TNIP3: variants seen among roughly 807,000 people sequenced by gnomAD.
TNIP3 encodes the protein TNFAIP3 interacting protein 3, also known as TNFAIP3-interacting protein 3.
A neutral mutation model predicts 54.1 loss-of-function variants in TNIP3; 34 were observed. The ratio of observed to expected loss-of-function variants is 0.63; its 90% CI spans 0.48 to 0.84. The LOEUF (loss-of-function observed/expected upper bound fraction) is 0.84. TNIP3 is among the 40% of genes least tolerant of loss of function. The probability of loss-of-function intolerance (pLI) is 0.00; values close to 1 mark genes in which losing one functional copy is unlikely to be tolerated. For missense variants in TNIP3, 366 were observed against 387.6 expected, an observed-to-expected ratio of 0.94 and a Z score of 0.47; for synonymous variants, 134 against 136.8, an observed-to-expected ratio of 0.98 and a Z score of 0.14.
intron 2 of TNIP3, among the ~76,000 whole-genome samples, chr4:121,199,418 A>G (rs911315956): frequency 6.6e-6 from 1 of 152,236 alleles, no homozygotes; most frequent in African/African-American, 2.4e-5. Context: ...CTATGTTTCT[A>G]GCCCAGAAAT....
At position 121,151,318 on chromosome 4, in the gene TNIP3, C is replaced by T. The variant is rs187571002; in HGVS notation, c.493-1099G>A. Among the ~76,000 whole-genome samples the T allele has an allele frequency of 1.2e-3, 190 of 152,188 alleles. 1 individual carries two copies. Among genetic ancestry groups the T allele is most frequent in the Non-Finnish European group, 5.3e-4 (36 of 68,008 alleles). Reference sequence around the variant, plus strand: ...ATATTAGTGGTAACTTACTCCACTGCATTACTATATAATATGGTCATAAAG... The same window carrying T: ...ATATTAGTGGTAACTTACTCCACTGTATTACTATATAATATGGTCATAAAG... On this transcript the variant is annotated intron_variant, in intron 5 of 10. Coordinates refer to ENST00000057513, the MANE Select transcript of TNIP3 (RefSeq NM_024873.6).
At chr4:121,138,056 G>T (rs780104290) in intron 10 of TNIP3, 1 of 445,860 alleles carries the variant, frequency 2.2e-6, no homozygotes, top group African/African-American at 2.0e-5. Context: ...TAAAAAATAA[G>T]ATTTAAAAAA....
intron 2 of TNIP3, among the ~76,000 whole-genome samples, chr4:121,210,548 G>C (rs1296055486): frequency 6.6e-6 from 1 of 152,160 alleles, no homozygotes; most frequent in Non-Finnish European, 1.5e-5. Flanking sequence ...TTGCCATAAG[G>C]AAACAGCATA....
chr4:121,172,764 A>G (rs1724044709), intron 3 of TNIP3, among the ~76,000 whole-genome samples: 1 of 152,126 alleles, frequency 6.6e-6, no homozygotes, highest in Admixed American at 6.5e-5. Context: ...ATTCTTGCAT[A>G]CCACTGCACA....
intron 2 of TNIP3, among the ~76,000 whole-genome samples, chr4:121,185,608 G>A (rs1355736331): frequency 6.6e-6 from 1 of 152,116 alleles, no homozygotes; most frequent in African/African-American, 2.4e-5. Context: ...ATGACTCCAG[G>A]AAGAGATTTA....
At position 121,164,114 on chromosome 4, in the gene TNIP3, A is replaced by G; in HGVS notation, c.12T>C (p.Phe4=). 6.2e-7 allele frequency: 1 copy of G among 1,613,862 alleles called. No homozygotes were observed. The highest frequency in any genetic ancestry group is 8.5e-7 in the Non-Finnish European group (1 of 1,179,790). The part of the protein sequence containing the change: MAH[F]VQGTSRMIAA... The stretch of plus-strand genomic sequence containing the variant: ...CAATCATTCTAGATGTGCCCTGTAC[A>G]AAATGTGCCATGGAAGCTGTTTTTC... The change falls in exon 1 of 11, where the codon TTT becomes TTC. Residue 4 remains phenylalanine, a synonymous_variant. Transcript: ENST00000057513.
intron 7 of TNIP3, among the ~76,000 whole-genome samples, chr4:121,143,327 T>C: frequency 6.6e-6 from 1 of 152,196 alleles, no homozygotes; most frequent in East Asian, 1.9e-4. Flanking sequence ...CTCATCTAGA[T>C]GAATCACCTA....
intron 2 of TNIP3, 109 bp downstream of exon 2, chr4:121,161,027 T>A: frequency 3.4e-6 from 3 of 870,738 alleles, no homozygotes; most frequent in Non-Finnish European, 5.4e-6. Context: ...ATCTTAAAGA[T>A]AAATACTGTG....
chr4:121,157,277 C>T, intron 3 of TNIP3, 34 bp from the exon 4 acceptor site: 5 of 1,613,716 alleles, frequency 3.1e-6, no homozygotes, highest in East Asian at 2.2e-5. Context: ...CTGCAGATAC[C>T]TTCTCTGAAG....
chr4:121,163,202 T>C (rs17051303), intron 1 of TNIP3, among the ~76,000 whole-genome samples: 3,860 of 152,252 alleles, frequency 0.025, 160 homozygotes, highest in African/African-American at 0.087. Flanking sequence ...GAATGGCATG[T>C]AAGTCACAAA....
At chr4:121,154,369 C>T in intron 5 of TNIP3, 182 bp downstream of exon 5, 1 of 723,232 alleles carries the variant, frequency 1.4e-6, no homozygotes, top group Non-Finnish European at 2.2e-6. Flanking sequence ...TCTAAAGCCT[C>T]CTTAGCCAAG....
rs1330106767 is a variant in TNIP3, at chr4:121,158,709, A to G, written c.191T>C (p.Met64Thr). The change falls in exon 3 of 11, where the codon ATG (methionine) becomes ACG (threonine). Residue 64 changes from methionine (M) to threonine (T), a missense_variant. Transcript: ENST00000057513. ...NQQWDQQFRS[M>T]KELYERKVAE... ...TACCTTTCTTTCATATAACTCTTTC[A>G]TACTTCTAAATTGCTGATCCCATTG... 6.2e-7 allele frequency: 1 copy of G among 1,612,822 alleles called. No homozygotes were observed. The highest frequency in any genetic ancestry group is 1.7e-5 in the Admixed American group (1 of 59,596).
chr4:121,212,317 G>T (rs1170589733), intron 2 of TNIP3, among the ~76,000 whole-genome samples: 1 of 152,124 alleles, frequency 6.6e-6, no homozygotes, highest in Non-Finnish European at 1.5e-5. Context: ...TTGTCCCAAA[G>T]CTCCTTGTCT....
At chr4:121,212,780 C>T (rs903202599) in intron 2 of TNIP3, among the ~76,000 whole-genome samples, 1 of 152,152 alleles carries the variant, frequency 6.6e-6, no homozygotes, top group African/African-American at 2.4e-5. Flanking sequence ...ATAAATGATT[C>T]TTTCTTCTGC....
intron 2 of TNIP3, among the ~76,000 whole-genome samples, chr4:121,188,343 T>C (rs541798954): frequency 5.9e-4 from 90 of 152,234 alleles, no homozygotes; most frequent in Non-Finnish European, 1.1e-3. Flanking sequence ...TTATATATTA[T>C]TGTGAACTGT....
chr4:121,214,544 C>G (rs188473692), intron 2 of TNIP3, among the ~76,000 whole-genome samples: 1 of 152,084 alleles, frequency 6.6e-6, no homozygotes, highest in Non-Finnish European at 1.5e-5. Flanking sequence ...GAGAGGTGGC[C>G]GGGTGAGGAT....
upstream of TNIP3, among the ~76,000 whole-genome samples, chr4:121,165,117 A>G (rs941797989): frequency 6.6e-6 from 1 of 151,748 alleles, no homozygotes; most frequent in African/African-American, 2.4e-5. Flanking sequence ...AGAGAAAAGA[A>G]TTTATGGTCA....
intron 1 of TNIP3, chr4:121,216,569 C>G: frequency 6.6e-7 from 1 of 1,519,404 alleles, no homozygotes. Context: ...ATGTCAGTCA[C>G]CAAAGGAGAA....
At chr4:121,173,249 T>C (rs1354554257) in intron 3 of TNIP3, among the ~76,000 whole-genome samples, 2 of 152,158 alleles carry the variant, frequency 1.3e-5, no homozygotes, top group Non-Finnish European at 2.9e-5. Flanking sequence ...CAGGGAAGTT[T>C]TATGGGAATT....
Sources: gnomAD v4.1 joint callset for allele counts (sites outside exome capture counted in the v4.1 genomes callset) on GRCh38, gnomAD v4.1.1 for gene constraint, MANE v1.5 for transcripts, NCBI Gene and HGNC (gene_info 2026-07-23, HGNC 2026-07-21) for gene names.